PATJ: variants seen among roughly 807,000 people sequenced by gnomAD.
The protein encoded by PATJ is inaD-like protein.
PATJ carries 190 observed loss-of-function variants against 224.9 expected under a neutral mutation model. The observed-to-expected ratio is 0.84, with a 90% CI of 0.75 to 0.95. The LOEUF (loss-of-function observed/expected upper bound fraction) is 0.95, where lower values mean the gene tolerates loss of function less well. Ranked by LOEUF, PATJ falls within the 40% of genes least tolerant of loss-of-function variation. The probability of loss-of-function intolerance (pLI) is 0.00; values close to 1 mark genes in which losing one functional copy is unlikely to be tolerated. For synonymous variants in PATJ, 769 were observed against 820.3 expected, an observed-to-expected ratio of 0.94 and a Z score of 1.07; for missense variants, 2,121 against 2,270.3, an observed-to-expected ratio of 0.93 and a Z score of 1.34.
chr1:61,813,380 C>CATATATATATATATAT (rs1557690831), intron 14 of PATJ, among the ~76,000 whole-genome samples: 70 of 21,774 alleles, frequency 3.2e-3, no homozygotes, highest in African/African-American at 8.6e-3. Flanking sequence ...TATATATATA[C>CATATATATATATATAT]ACACACACAC....
intron 26 of PATJ, among the ~76,000 whole-genome samples, chr1:61,922,095 T>C (rs910266282): frequency 6.6e-6 from 1 of 152,022 alleles, no homozygotes; most frequent in Non-Finnish European, 1.5e-5. Context: ...CAGGTTGGAG[T>C]GCAGTAGTGC....
chr1:61,890,542 T>C (rs1195980883), intron 22 of PATJ, among the ~76,000 whole-genome samples: 2 of 152,074 alleles, frequency 1.3e-5, no homozygotes, highest in African/African-American at 4.8e-5. Flanking sequence ...TGTCACCCAA[T>C]CTGGAGTGCA....
intron 21 of PATJ, among the ~76,000 whole-genome samples, chr1:61,876,690 G>T (rs1667376129): frequency 1.3e-5 from 2 of 152,030 alleles, no homozygotes; most frequent in Non-Finnish European, 2.9e-5. Flanking sequence ...ATAAACCACT[G>T]GTTTATACTG....
At chr1:61,913,674 G>A (rs1001475963) in intron 25 of PATJ, among the ~76,000 whole-genome samples, 5 of 152,194 alleles carry the variant, frequency 3.3e-5, no homozygotes, top group Non-Finnish European at 7.3e-5. Context: ...CAGAGAAATA[G>A]TGAAAAATAA....
At chr1:62,076,425 A>G (rs1398060045) in intron 31 of PATJ, among the ~76,000 whole-genome samples, 1 of 152,186 alleles carries the variant, frequency 6.6e-6, no homozygotes, top group Non-Finnish European at 1.5e-5. Flanking sequence ...CTTATAATAC[A>G]GTAACATACA....
chr1:62,094,263 G>A (rs796252898), intron 33 of PATJ, among the ~76,000 whole-genome samples: 7 of 152,204 alleles, frequency 4.6e-5, no homozygotes, highest in African/African-American at 1.7e-4. Context: ...GTGTGGTGGT[G>A]TGTGCCCTGT....
chr1:61,975,777 G>A (rs963608056), intron 27 of PATJ, among the ~76,000 whole-genome samples: 2 of 152,002 alleles, frequency 1.3e-5, no homozygotes, highest in Admixed American at 1.3e-4. Context: ...TCATTCCTGA[G>A]CTCCAAGCCA....
intron 41 of PATJ, among the ~76,000 whole-genome samples, chr1:62,131,378 A>G (rs1296242691): frequency 6.6e-6 from 1 of 152,154 alleles, no homozygotes; most frequent in African/African-American, 2.4e-5. Flanking sequence ...TCCTACTTCA[A>G]ATGGTAACTG....
At chr1:61,768,266 G>T (rs1397653981) in intron 4 of PATJ, among the ~76,000 whole-genome samples, 1 of 151,718 alleles carries the variant, frequency 6.6e-6, no homozygotes, top group Non-Finnish European at 1.5e-5. Context: ...TCAGGAGATC[G>T]AGACCATCCT....
At chr1:62,061,745 C>T (rs981550762) in intron 31 of PATJ, among the ~76,000 whole-genome samples, 8 of 150,214 alleles carry the variant, frequency 5.3e-5, no homozygotes, top group South Asian at 4.3e-4. Context: ...CTGCAAGCTC[C>T]GCCTCCCAGG....
At chr1:62,075,783 T>C (rs1246825895) in intron 31 of PATJ, among the ~76,000 whole-genome samples, 1 of 151,432 alleles carries the variant, frequency 6.6e-6, no homozygotes, top group Non-Finnish European at 1.5e-5. Flanking sequence ...CCAGGCGTGG[T>C]GGTGGGTGCC....
At chr1:61,853,096 T>C (rs1663097958) in intron 17 of PATJ, among the ~76,000 whole-genome samples, 1 of 152,194 alleles carries the variant, frequency 6.6e-6, no homozygotes, top group African/African-American at 2.4e-5. Context: ...TAACTAGTGG[T>C]CTAAACCTGA....
chr1:61,839,695 C>T (rs1200396002), intron 17 of PATJ, among the ~76,000 whole-genome samples: 1 of 152,054 alleles, frequency 6.6e-6, no homozygotes, highest in Non-Finnish European at 1.5e-5. Context: ...AATTTTTGAA[C>T]ATTAGCCATG....
intron 27 of PATJ, among the ~76,000 whole-genome samples, chr1:61,987,496 C>T (rs190142386): frequency 1.8e-4 from 28 of 152,044 alleles, no homozygotes; most frequent in Middle Eastern, 3.4e-3. Context: ...ATTTCTTAAC[C>T]ATCTTACCCT....
intron 27 of PATJ, among the ~76,000 whole-genome samples, chr1:61,960,087 C>A (rs1407498438): frequency 6.6e-6 from 1 of 152,032 alleles, no homozygotes; most frequent in Non-Finnish European, 1.5e-5. Context: ...ATTGGGTATT[C>A]TAATGAGTCT....
At chr1:62,098,148 A>C (rs1183316518) in intron 33 of PATJ, among the ~76,000 whole-genome samples, 2 of 152,014 alleles carry the variant, frequency 1.3e-5, no homozygotes, top group East Asian at 1.9e-4. Context: ...TCACGAGGTC[A>C]GGAGATAGAG....
intron 17 of PATJ, among the ~76,000 whole-genome samples, chr1:61,854,618 C>T (rs1019771822): frequency 6.6e-6 from 1 of 152,188 alleles, no homozygotes. Context: ...GGCTATGCCA[C>T]ATATACGCTG....
intron 41 of PATJ, among the ~76,000 whole-genome samples, chr1:62,141,893 A>G (rs1230670812): frequency 1.3e-5 from 2 of 150,664 alleles, no homozygotes; most frequent in African/African-American, 2.4e-5. Context: ...TTGCTTGACC[A>G]CGGGAGGCAG....
chr1:61,899,591 C>T lies in PATJ; in HGVS notation c.3140C>T (p.Pro1047Leu), dbSNP rs1233724463. 6.2e-7 allele frequency: 1 copy of T among 1,607,152 alleles called. No individual in the cohort carries two copies. The highest frequency in any genetic ancestry group is 8.5e-7 in the Non-Finnish European group (1 of 1,177,062). Residue 1047 changes from proline (P) to leucine (L), a missense_variant, in exon 23 of 44, where the codon CCT becomes CTT. Transcript: ENST00000642238. ...SRYATDTCEL[P>L]EREEGEGEET... ...TCTTTCTCCCTCTGTAGTGAGTTAC[C>T]TGAGAGAGAAGAAGGCGAAGGAGAA...
Sources: gnomAD v4.1 joint callset for allele counts (sites outside exome capture counted in the v4.1 genomes callset) on GRCh38, gnomAD v4.1.1 for gene constraint, MANE v1.5 for transcripts, NCBI Gene and HGNC (gene_info 2026-07-23, HGNC 2026-07-21) for gene names.